PCDHA10: variants seen among roughly 807,000 people sequenced by gnomAD.
PCDHA10 encodes protocadherin alpha-10.
PCDHA10 carries 45 observed loss-of-function variants against 61.2 expected under a neutral mutation model. The ratio of observed to expected loss-of-function variants is 0.74; its 90% CI spans 0.58 to 0.94. The LOEUF (loss-of-function observed/expected upper bound fraction) is 0.94, where lower values mean the gene tolerates loss of function less well. Among genes scored for constraint, PCDHA10 ranks in the 40% least tolerant of loss-of-function variants. The pLI, the probability that PCDHA10 is intolerant of heterozygous loss-of-function variation, is 0.00. For synonymous variants in PCDHA10, 602 were observed against 548.8 expected (o/e 1.10, Z -1.35); for missense variants, 1,278 against 1,236.2 (o/e 1.03, Z -0.51).
At chr5:141,005,478 C>T (rs1021420332) in intron 3 of PCDHA10, among the ~76,000 whole-genome samples, 8 of 151,550 alleles carry the variant, frequency 5.3e-5, no homozygotes, top group East Asian at 3.9e-4. Context: ...CCGAGACGGG[C>T]GGATCATGAG....
At chr5:141,009,374 G>A (rs567366098) in intron 3 of PCDHA10, among the ~76,000 whole-genome samples, 2 of 152,334 alleles carry the variant, frequency 1.3e-5, no homozygotes, top group African/African-American at 2.4e-5. Context: ...TGGGAGGATT[G>A]ATTGAGCACA....
At chr5:140,982,607 G>T (rs868934947) in intron 3 of PCDHA10, 44 bp downstream of exon 3, 2 of 1,601,622 alleles carry the variant, frequency 1.2e-6, no homozygotes, top group South Asian at 1.1e-5. Flanking sequence ...TTTCTGGAAA[G>T]TGATCAGATG....
At chr5:140,932,967 T>C (rs367764644) in intron 1 of PCDHA10, among the ~76,000 whole-genome samples, 2 of 152,036 alleles carry the variant, frequency 1.3e-5, no homozygotes, top group South Asian at 2.1e-4. Context: ...TGCTGAAAGG[T>C]TTTTACAATG....
At chr5:140,959,203 G>A (rs1554223942) in intron 1 of PCDHA10, among the ~76,000 whole-genome samples, 1 of 152,128 alleles carries the variant, frequency 6.6e-6, no homozygotes. Context: ...ATGGTGAAAT[G>A]CTGTCCTTAC....
intron 1 of PCDHA10, among the ~76,000 whole-genome samples, chr5:140,977,005 A>C (rs982594376): frequency 3.3e-5 from 5 of 152,156 alleles, no homozygotes; most frequent in Non-Finnish European, 5.9e-5. Flanking sequence ...AAATCTTGTA[A>C]CTGTGATTCT....
In PCDHA10 at chr5:140,857,556, T is replaced by C. The variant is rs781993692; in HGVS notation, c.1508T>C (p.Leu503Pro). ...LVERRLGERSLSSYVSVHAES... is the reference protein window; with the variant it reads ...LVERRLGERSPSSYVSVHAES... ...GAGCGGCGGTTGGGCGAGCGCTCGC[T>C]GTCGAGCTACGTGTCGGTGCACGCG... The change falls in exon 1 of 4, where the codon CTG (leucine) becomes CCG (proline). Residue 503 changes from leucine (L) to proline (P), a missense_variant. Leu to Pro is a moderately conservative substitution (Grantham distance 98, BLOSUM62 -3). Coordinates refer to ENST00000307360, the MANE Select transcript of PCDHA10 (RefSeq NM_018901.4). 6 of 1,596,822 alleles carry C rather than the reference T, an allele frequency of 3.8e-6. No homozygotes were observed. In the Admixed American group the frequency reaches 1.0e-4, roughly 27 times the overall value.
chr5:140,921,716 A>C (rs1554200396), intron 1 of PCDHA10, among the ~76,000 whole-genome samples: 1 of 152,202 alleles, frequency 6.6e-6, no homozygotes, highest in Non-Finnish European at 1.5e-5. Context: ...TAAACACACG[A>C]ATTACTCCCA....
At chr5:140,949,203 T>C (rs879971307) in intron 1 of PCDHA10, among the ~76,000 whole-genome samples, 13 of 151,790 alleles carry the variant, frequency 8.6e-5, no homozygotes, top group East Asian at 1.9e-4. Flanking sequence ...TTCAGTCTTT[T>C]AAAAATCTGT....
intron 3 of PCDHA10, among the ~76,000 whole-genome samples, chr5:140,998,363 A>G (rs568271579): frequency 6.6e-6 from 1 of 152,316 alleles, no homozygotes; most frequent in Admixed American, 6.5e-5. Flanking sequence ...TAACCACTGC[A>G]CACACCGTCT....
intron 1 of PCDHA10, among the ~76,000 whole-genome samples, chr5:140,907,247 T>C (rs1328809549): frequency 1.3e-5 from 2 of 152,216 alleles, no homozygotes; most frequent in Non-Finnish European, 2.9e-5. Context: ...GACATTGTAA[T>C]TGTGACTTCA....
intron 1 of PCDHA10, among the ~76,000 whole-genome samples, chr5:140,974,883 C>T (rs1188748856): frequency 1.3e-5 from 2 of 152,154 alleles, no homozygotes; most frequent in Non-Finnish European, 2.9e-5. Context: ...CTATGTATCC[C>T]TTTTCTGATG....
intron 1 of PCDHA10, among the ~76,000 whole-genome samples, chr5:140,952,614 T>C (rs1381315866): frequency 6.6e-6 from 1 of 152,170 alleles, no homozygotes; most frequent in African/African-American, 2.4e-5. Flanking sequence ...CTCTCCCTCA[T>C]CTTCCCTCCA....
In PCDHA10 at chr5:140,857,400, C is replaced by A; in HGVS notation, c.1352C>A (p.Ala451Glu). 1 of 1,598,488 alleles carries A rather than the reference C, an allele frequency of 6.3e-7. No individual in the cohort carries two copies. Among genetic ancestry groups the A allele is most frequent in the Non-Finnish European group, 8.6e-7 (1 of 1,167,904 alleles). ...SVEVADVNDN[A>E]PAFAQSEYTV... ...GAGGTGGCCGACGTGAACGACAACG[C>A]GCCTGCGTTCGCGCAGTCCGAGTAC... The change falls in exon 1 of 4, where the codon GCG becomes GAG. Residue 451 changes from alanine to glutamate, a missense_variant. Transcript: ENST00000307360.
intron 1 of PCDHA10, chr5:140,871,292 C>G: frequency 1.2e-6 from 2 of 1,613,890 alleles, no homozygotes; most frequent in Non-Finnish European, 8.5e-7. Context: ...ACTGAGGGCG[C>G]GTGCGCGCCG....
intron 1 of PCDHA10, chr5:140,928,160 C>T (rs782224079): frequency 1.2e-6 from 2 of 1,614,094 alleles, no homozygotes; most frequent in Non-Finnish European, 1.7e-6. Context: ...AGTGGCTCAC[C>T]CCCACTTAGC....
At chr5:140,894,193 T>G (rs1481492058) in intron 1 of PCDHA10, among the ~76,000 whole-genome samples, 1 of 152,170 alleles carries the variant, frequency 6.6e-6, no homozygotes, top group Non-Finnish European at 1.5e-5. Context: ...TATATATTTT[T>G]TCTATGCTAT....
intron 1 of PCDHA10, among the ~76,000 whole-genome samples, chr5:140,898,901 T>C (rs1196685970): frequency 7.9e-5 from 12 of 152,172 alleles, no homozygotes; most frequent in Admixed American, 7.9e-4. Context: ...GAAGAGGTCC[T>C]TCACGTCCCT....
At chr5:140,865,298 C>T (rs1213333279) in intron 1 of PCDHA10, 2 of 152,028 alleles carry the variant, frequency 1.3e-5, no homozygotes, top group Non-Finnish European at 2.9e-5. Flanking sequence ...CTTTTTGGCT[C>T]TAATTACAAA....
At chr5:140,884,022 T>G (rs2059946002) in intron 1 of PCDHA10, 1 of 1,613,028 alleles carries the variant, frequency 6.2e-7, no homozygotes, top group Non-Finnish European at 8.5e-7. Context: ...CCGCGGTCGG[T>G]GGGTGCAGGC....
Sources: allele counts gnomAD v4.1 joint callset (sites outside exome capture counted in the v4.1 genomes callset), GRCh38; gene constraint gnomAD v4.1.1; transcripts MANE v1.5; gene names NCBI Gene and HGNC (gene_info 2026-07-23, HGNC 2026-07-21).